The following LMF1 variants were observed in gnomAD, a reference collection of about 807,000 sequenced individuals.
LMF1 encodes transmembrane protein 112.
In LMF1, 68 loss-of-function variants were observed where a neutral mutation model predicts 60.6. That is an observed-to-expected ratio of 1.12 (90% CI 0.92 to 1.37). The LOEUF (loss-of-function observed/expected upper bound fraction) is 1.37, where lower values mean the gene tolerates loss of function less well. Among genes scored for constraint, LMF1 ranks in the 40% most tolerant of loss-of-function variants. LMF1 has a pLI of 0.00. For synonymous variants in LMF1, 418 were observed against 324.7 expected (o/e 1.29, Z -3.09); for missense variants, 948 against 767.2 (o/e 1.24, Z -2.78).
At position 879,711 on chromosome 16, in the gene LMF1, C is replaced by T. The variant is rs2076425; in HGVS notation, c.756G>A (p.Ala252=). Residue 252 remains alanine, a synonymous_variant, in exon 6 of 11, where the codon GCG becomes GCA. Transcript: ENST00000262301. ...YETQPMPNPV[A]YYLHHSPWWF... is the part of the protein sequence containing the mutation. ...ACCAGGGTGAGTGGTGCAGGTAGTA[C>T]GCCACAGGATTGGGCATCGGCTGGG... 193,472 of 1,597,650 alleles carry T rather than the reference C, an allele frequency of 0.12. 13,159 individuals carry two copies. The highest frequency in any genetic ancestry group is 0.28 in the East Asian group (12,369 of 44,092).
rs923695396 is a variant in LMF1 at position 890,208 on chromosome 16, G to A, written c.729+2799C>T. On this transcript the variant is annotated intron_variant, in intron 5 of 10. Coordinates refer to ENST00000262301, the MANE Select transcript of LMF1 (RefSeq NM_022773.4). ...GAACCGCAAAGAGCCGTGTCACGGC[G>A]GTCCACCTGCTGCAGGCACGGCGCC... is the stretch of plus-strand genomic sequence containing the variant. 2.6e-5 allele frequency among the ~76,000 whole-genome samples: 4 copies of A among 152,176 alleles called. No homozygotes were observed. In the South Asian group the frequency reaches 8.3e-4, roughly 31 times the overall value.
intron 5 of LMF1, among the ~76,000 whole-genome samples, chr16:890,054 T>C (rs1054618937): frequency 6.6e-6 from 1 of 152,092 alleles, no homozygotes; most frequent in Non-Finnish European, 1.5e-5. Context: ...CCCCACACAC[T>C]GCCCCCTGTA....
At chr16:895,479 C>T (rs2070637401) in intron 4 of LMF1, among the ~76,000 whole-genome samples, 2 of 152,338 alleles carry the variant, frequency 1.3e-5, no homozygotes, top group Non-Finnish European at 2.9e-5. Flanking sequence ...TAGCCGGGGC[C>T]AGGCAGGACG....
At chr16:861,441 T>A (rs746686889) in intron 10 of LMF1, among the ~76,000 whole-genome samples, 4 of 143,998 alleles carry the variant, frequency 2.8e-5, no homozygotes, top group Non-Finnish European at 4.5e-5. Context: ...CACTGTAACC[T>A]CTGCCTCCCC....
chr16:964,585 AG>A (rs2072885653), intron 1 of LMF1, among the ~76,000 whole-genome samples: 3 of 152,228 alleles, frequency 2.0e-5, no homozygotes, highest in Non-Finnish European at 4.4e-5. Context: ...TTAGAACTCA[AG>A]TGGCCCGGAG....
chr16:862,084 C>G (rs941964963), intron 10 of LMF1, among the ~76,000 whole-genome samples: 2 of 150,800 alleles, frequency 1.3e-5, no homozygotes, highest in Admixed American at 6.6e-5. Context: ...TCGACTGATT[C>G]TCAAATACGG....
intron 3 of LMF1, 149 bp from the exon 4 acceptor site, chr16:911,228 A>C: frequency 4.4e-6 from 4 of 915,588 alleles, no homozygotes; most frequent in Non-Finnish European, 7.0e-6. Flanking sequence ...TATTAGTCTC[A>C]ACATCGACAC....
intron 1 of LMF1, among the ~76,000 whole-genome samples, chr16:963,848 AG>A (rs60126726): frequency 1.3e-5 from 2 of 152,194 alleles, no homozygotes; most frequent in South Asian, 2.1e-4. Flanking sequence ...GATTTCAGAG[AG>A]AAAAAAACTA....
At chr16:906,673 C>T (rs1351116233) in intron 4 of LMF1, among the ~76,000 whole-genome samples, 1 of 152,202 alleles carries the variant, frequency 6.6e-6, no homozygotes, top group Non-Finnish European at 1.5e-5. Context: ...GAACCCTCCA[C>T]ACACCTGTGT....
chr16:948,033 G>C (rs1597051810), intron 2 of LMF1, among the ~76,000 whole-genome samples: 1 of 131,798 alleles, frequency 7.6e-6, no homozygotes, highest in East Asian at 2.0e-4. Flanking sequence ...CAGAGACAAC[G>C]ACAGAGTCAG....
chr16:949,407 C>T (rs1437807023), intron 2 of LMF1, among the ~76,000 whole-genome samples: 1 of 142,868 alleles, frequency 7.0e-6, no homozygotes, highest in Non-Finnish European at 1.5e-5. Flanking sequence ...ACAGAGTCAG[C>T]CAACAACAGT....
rs1378647653 is a variant in LMF1 at position 897,317 on chromosome 16, C to T, written c.664-4245G>A. On this transcript the variant is annotated intron_variant, in intron 4 of 10. Coordinates refer to ENST00000262301, the MANE Select transcript of LMF1 (RefSeq NM_022773.4). This position sits in a 1 kb window ranked among gnomAD's most constrained non-coding sequence, Gnocchi z 4.3. The stretch of plus-strand genomic sequence containing the variant: ...GCCGCCATCCACCCTGCAGCGACAG[C>T]CCCCTGTGTACCCTTGCACAGTGGC... 6.6e-6 allele frequency among the ~76,000 whole-genome samples: 1 copy of T among 152,220 alleles called. No individual in the cohort carries two copies. Among genetic ancestry groups the T allele is most frequent in the African/African-American group, 2.4e-5 (1 of 41,458 alleles).
chr16:857,294 C>T (rs2069216011), intron 10 of LMF1, among the ~76,000 whole-genome samples: 1 of 152,284 alleles, frequency 6.6e-6, no homozygotes, highest in South Asian at 2.1e-4. Flanking sequence ...GCTGCTGAGT[C>T]CACTGCAACT....
rs545078477 is a variant in LMF1 at position 889,657 on chromosome 16, A to G, written c.729+3350T>C. 6.6e-5 allele frequency among the ~76,000 whole-genome samples: 10 copies of G among 152,310 alleles called. No individual in the cohort carries two copies. In the East Asian group the frequency reaches 1.9e-3, roughly 29 times the overall value. ...TCTGACCAGCAAGAATCGGAAAGACAGCAAAAGGGCCTGAGATCCCCGCCC... is the reference window on the plus strand; with the variant it reads ...TCTGACCAGCAAGAATCGGAAAGACGGCAAAAGGGCCTGAGATCCCCGCCC... On this transcript the variant is annotated intron_variant, in intron 5 of 10. Coordinates refer to ENST00000262301, the MANE Select transcript of LMF1 (RefSeq NM_022773.4).
chr16:857,014 T>C (rs1277050893), intron 10 of LMF1, among the ~76,000 whole-genome samples: 2 of 152,236 alleles, frequency 1.3e-5, no homozygotes, highest in Non-Finnish European at 2.9e-5. Flanking sequence ...ATTTCAAGAA[T>C]GAGTGGAACC....
chr16:929,066 C>T lies in LMF1; in HGVS notation c.514+5178G>A, dbSNP rs368970565. On this transcript the variant is annotated intron_variant, in intron 3 of 10. Transcript: ENST00000262301. ...CCCCTGGTTCCAGAACCCCTCACCA[C>T]GAGTGTCTCCTTCCCCTGGTCACAT... is the stretch of plus-strand genomic sequence containing the variant. Among the ~76,000 whole-genome samples the T allele has an allele frequency of 2.7e-4, 41 of 152,280 alleles. No individual in the cohort carries two copies. In the South Asian group the frequency reaches 4.4e-3, roughly 16 times the overall value.
intron 4 of LMF1, 25 bp downstream of exon 4, chr16:910,906 C>T (rs1262019322): frequency 6.2e-7 from 1 of 1,611,358 alleles, no homozygotes; most frequent in South Asian, 1.1e-5. Context: ...ATTCCCCAAA[C>T]ACCACGCAGA....
At chr16:925,471 A>G (rs2071567021) in intron 3 of LMF1, among the ~76,000 whole-genome samples, 1 of 152,208 alleles carries the variant, frequency 6.6e-6, no homozygotes, top group Admixed American at 6.5e-5. Flanking sequence ...CATGCCTGTA[A>G]TCCCCTAAAG....
Position 869,033 on chromosome 16 carries a change from G to A in LMF1, c.1440C>T (p.Ile480=), listed in dbSNP as rs2069696389. 1.2e-6 allele frequency: 2 copies of A among 1,612,460 alleles called. No homozygotes were observed. The highest frequency in any genetic ancestry group is 1.7e-6 in the Non-Finnish European group (2 of 1,179,488). ...CCAGGAGCTTGCCAGCCAGGTGGAT[G>A]ATCCAGTCGTTGTGCTCGTAGGTCT... ...AFQTYEHNDW[I]IHLAGKLLAS... The change falls in exon 10 of 11, where the codon ATC becomes ATT. Residue 480 remains isoleucine (I), a synonymous_variant. Transcript: ENST00000262301.
Sources: gnomAD v4.1 joint callset for allele counts (sites outside exome capture counted in the v4.1 genomes callset) on GRCh38, gnomAD v4.1.1 for gene constraint, Gnocchi (gnomAD v3.1) non-coding constraint, MANE v1.5 for transcripts, NCBI Gene and HGNC (gene_info 2026-07-23, HGNC 2026-07-21) for gene names.